The following MARK3 variants were observed in gnomAD, a reference collection of about 807,000 sequenced individuals.
MARK3 encodes the protein MAP/microtubule affinity-regulating kinase 3.
Under a neutral mutation model 90.1 loss-of-function variants are expected in MARK3, and 46 were observed. That is an observed-to-expected ratio of 0.51 (90% CI 0.40 to 0.65). The LOEUF (loss-of-function observed/expected upper bound fraction) is 0.65, where lower values mean the gene tolerates loss of function less well. Among genes scored for constraint, MARK3 ranks in the 30% least tolerant of loss-of-function variants. The pLI is 0.00. For missense variants in MARK3, 818 were observed against 947.2 expected, an observed-to-expected ratio of 0.86 and a Z score of 1.79; for synonymous variants, 321 against 332.6, an observed-to-expected ratio of 0.97 and a Z score of 0.38.
intron 17 of MARK3, among the ~76,000 whole-genome samples, chr14:103,502,185 A>G (rs933126528): frequency 1.3e-5 from 2 of 152,234 alleles, no homozygotes; most frequent in African/African-American, 4.8e-5. Context: ...TTACATTCTG[A>G]ATCCACAGGG....
At chr14:103,419,594 A>C (rs10144051) in intron 2 of MARK3, among the ~76,000 whole-genome samples, 94,383 of 151,952 alleles carry the variant, frequency 0.62, 30,387 homozygotes, top group Middle Eastern at 0.75. Flanking sequence ...CACACTATTT[A>C]AGTATGTTGT....
chr14:103,412,230 T>TA lies in MARK3; in HGVS notation c.243+6964dup, dbSNP rs1275132833. The TA allele has an allele frequency of 3.7e-6, 3 of 810,112 alleles. No individual in the cohort carries two copies. In the African/African-American group the frequency reaches 5.2e-5, roughly 14 times the overall value. The allele number at this position is 810,112 out of a possible 1,614,324, so 50.2% of individuals were successfully genotyped here. ...AAGAAGTTAACAGCCAGGTGAATGT[T>TA]ATGCACAAGCTCATCGTCTGTCATC... On this transcript the variant is annotated intron_variant, in intron 2 of 17. Coordinates refer to ENST00000429436, the MANE Select transcript of MARK3 (RefSeq NM_001128918.3).
intron 5 of MARK3, among the ~76,000 whole-genome samples, chr14:103,454,729 A>T (rs1341051472): frequency 6.6e-6 from 1 of 152,180 alleles, no homozygotes; most frequent in African/African-American, 2.4e-5. Flanking sequence ...TTAGAATTGA[A>T]AATAATCTTA....
intron 1 of MARK3, among the ~76,000 whole-genome samples, chr14:103,403,002 A>G (rs1343635713): frequency 6.6e-6 from 1 of 151,798 alleles, no homozygotes; most frequent in East Asian, 1.9e-4. Context: ...GAGAATTATA[A>G]TCTTGGAGCA....
chr14:103,471,678 G>A (rs1426922217), intron 12 of MARK3, among the ~76,000 whole-genome samples: 2 of 152,052 alleles, frequency 1.3e-5, no homozygotes, highest in African/African-American at 4.8e-5. Context: ...GATGTAATCT[G>A]TAGCTGTCCT....
At chr14:103,404,375 T>C (rs2091149942) in intron 1 of MARK3, among the ~76,000 whole-genome samples, 1 of 152,158 alleles carries the variant, frequency 6.6e-6, no homozygotes, top group Admixed American at 6.5e-5. Context: ...CCTTTGAGTG[T>C]GTGTGGGGGC....
At position 103,478,163 on chromosome 14, in the gene MARK3, C is replaced by T. The variant is rs180993196; in HGVS notation, c.1483-2224C>T. Among the ~76,000 whole-genome samples the T allele has an allele frequency of 4.1e-3, 626 of 151,826 alleles. 7 individuals are homozygous for T. Among genetic ancestry groups the T allele is most frequent in the African/African-American group, 0.014 (595 of 41,414 alleles). ...TACAAAAATTAGCCAGGCATGGTGG[C>T]GGGCACCTGTAATCCCAGCTACTCG... On this transcript the variant is annotated intron_variant, in intron 13 of 17. Coordinates refer to ENST00000429436, the MANE Select transcript of MARK3 (RefSeq NM_001128918.3).
Position 103,475,210 on chromosome 14 carries a change from T to C in MARK3, c.1482T>C (p.Ser494=), listed in dbSNP as rs1246854638. Residue 494 remains serine (S), a splice_region_variant and synonymous_variant, in exon 13 of 18, where the codon AGT becomes AGC. Transcript: ENST00000429436. ...PERKKSSTVP[S]SNTASGGMTR... ...GCAAGAAAAGCTCCACTGTCCCTAG[T>C]GTAAGTGTTGTTGAACTATAGAGTG... 2.5e-6 allele frequency: 4 copies of C among 1,612,420 alleles called. No individual in the cohort carries two copies. The highest frequency in any genetic ancestry group is 3.4e-6 in the Non-Finnish European group (4 of 1,179,830).
At chr14:103,398,278 G>A (rs1213242099) in intron 1 of MARK3, among the ~76,000 whole-genome samples, 2 of 152,110 alleles carry the variant, frequency 1.3e-5, no homozygotes, top group Admixed American at 6.6e-5. Flanking sequence ...TCTTCTAGAT[G>A]GCTGCTTCCA....
intron 3 of MARK3, among the ~76,000 whole-genome samples, chr14:103,431,142 C>CAG (rs2092569877): frequency 6.6e-6 from 1 of 152,124 alleles, no homozygotes; most frequent in South Asian, 2.1e-4. Context: ...GGCTGGAGTG[C>CAG]AGTAGTGGGA....
At chr14:103,444,516 C>A (rs1265442495) in intron 3 of MARK3, among the ~76,000 whole-genome samples, 1 of 152,196 alleles carries the variant, frequency 6.6e-6, no homozygotes, top group Admixed American at 6.5e-5. Flanking sequence ...CGGTGGCTCA[C>A]GCCTGTAATC....
chr14:103,481,753 A>ATTTTTTTTT (rs1555400573), intron 14 of MARK3, among the ~76,000 whole-genome samples: 29 of 50,932 alleles, frequency 5.7e-4, no homozygotes, highest in Non-Finnish European at 1.1e-3. Context: ...TGATATAGGT[A>ATTTTTTTTT]TTTCTTTTTT....
chr14:103,488,023 C>T (rs1006000186), intron 14 of MARK3, among the ~76,000 whole-genome samples: 10 of 149,188 alleles, frequency 6.7e-5, no homozygotes, highest in African/African-American at 2.2e-4. Flanking sequence ...CCAGCCTGGG[C>T]GACAGAGTGA....
chr14:103,467,175 G>A lies in MARK3; in HGVS notation c.1094G>A (p.Gly365Glu), dbSNP rs771961248. 1.3e-6 allele frequency: 2 copies of A among 1,577,396 alleles called. No individual in the cohort carries two copies. The highest frequency in any genetic ancestry group is 1.7e-6 in the Non-Finnish European group (2 of 1,151,572). ...DEITATYLLL[G>E]RKSSELDASD... The stretch of plus-strand genomic sequence containing the variant: ...ATCACAGCTACATATTTGTTATTGG[G>A]GAGAAAATCTTCAGAGGTAAGAGTA... The change falls in exon 11 of 18, where the codon GGG becomes GAG. Residue 365 changes from glycine (G) to glutamate (E), a missense_variant. Physicochemically the swap from Gly to Glu is moderately conservative, Grantham distance 98. Coordinates refer to ENST00000429436, the MANE Select transcript of MARK3 (RefSeq NM_001128918.3).
intron 15 of MARK3, among the ~76,000 whole-genome samples, chr14:103,497,792 T>C (rs1477127223): frequency 1.3e-5 from 2 of 152,240 alleles, no homozygotes; most frequent in Non-Finnish European, 2.9e-5. Context: ...TATAATGAAA[T>C]TTTTAATGTT....
chr14:103,457,123 T>A lies in MARK3; in HGVS notation c.413-19T>A. 1 of 1,513,114 alleles carries A rather than the reference T, an allele frequency of 6.6e-7. No individual in the cohort carries two copies. Among genetic ancestry groups the A allele is most frequent in the Non-Finnish European group, 9.1e-7 (1 of 1,094,044 alleles). The allele number at this position is 1,513,114 out of a possible 1,614,324, so 93.7% of individuals were successfully genotyped here. A position where few individuals can be genotyped will look rare whatever the true frequency, so the allele number is the denominator to read the frequency against. On this transcript the variant is annotated intron_variant, in intron 5 of 17. Transcript: ENST00000429436. ...TCAGAAGTAGGATTTCTACTTACTT[T>A]TATTTCTCTCACCTATAGGTGAAGT...
chr14:103,468,214 C>T (rs775445719), intron 12 of MARK3, 28 bp downstream of exon 12: 4 of 1,596,192 alleles, frequency 2.5e-6, no homozygotes, highest in Non-Finnish European at 3.4e-6. Flanking sequence ...CCAGTGCCTT[C>T]TCTTAGAGTC....
intron 1 of MARK3, among the ~76,000 whole-genome samples, chr14:103,386,958 CTG>C (rs1388716273): frequency 1.3e-5 from 2 of 152,234 alleles, no homozygotes; most frequent in South Asian, 2.1e-4. Flanking sequence ...ACGTTTGACT[CTG>C]TTCGTTTTCT....
rs1157272556 is a variant in MARK3 at position 103,467,244 on chromosome 14, A to G, written c.1110+53A>G. 7.4e-6 allele frequency: 6 copies of G among 806,524 alleles called. No homozygotes were observed. In the Admixed American group the frequency reaches 1.5e-4, roughly 20 times the overall value. The allele number at this position is 806,524 out of a possible 1,614,324, so 50.0% of individuals were successfully genotyped here. ...ACCCTGTATGTAATTATTAGTTTAT[A>G]TAAACTGTTTTCTTAGTTTTTATCT... On this transcript the variant is annotated intron_variant, in intron 11 of 17. Transcript: ENST00000429436.
Sources: gnomAD v4.1 joint callset for allele counts (sites outside exome capture counted in the v4.1 genomes callset) on GRCh38, gnomAD v4.1.1 for gene constraint, MANE v1.5 for transcripts, NCBI Gene and HGNC (gene_info 2026-07-23, HGNC 2026-07-21) for gene names.